Variants in BRCA1 observed in about 807,000 individuals in gnomAD.
BRCA1 encodes the protein breast cancer type 1 susceptibility protein.
BRCA1 carries 140 observed loss-of-function variants against 173.7 expected under a neutral mutation model. That is an observed-to-expected ratio of 0.81 (90% CI 0.70 to 0.93). The LOEUF is 0.93. Ranked by LOEUF, BRCA1 falls within the 40% of genes least tolerant of loss-of-function variation. The pLI, the probability that BRCA1 is intolerant of heterozygous loss-of-function variation, is 0.00. For synonymous variants in BRCA1, 662 were observed against 756.0 expected, an observed-to-expected ratio of 0.88 and a Z score of 2.04; for missense variants, 1,983 against 2,172.5, an observed-to-expected ratio of 0.91 and a Z score of 1.73.
rs80357264 is a variant in BRCA1 at position 43,099,813 on chromosome 17, C to T, written c.509G>A (p.Arg170Gln). 25 of 1,613,504 alleles carry T rather than the reference C, an allele frequency of 1.5e-5. No homozygotes were observed. Among genetic ancestry groups the T allele is most frequent in the Middle Eastern group, 1.6e-4 (1 of 6,082 alleles). Reference protein sequence around the residue: ...GTVRTLRTKQRIQPQKTSVYI... With the variant: ...GTVRTLRTKQQIQPQKTSVYI... ...GACAGACGTCTTTTGAGGTTGTATCCGCTGCTTTGTCCTCAGAGTTCTCAC... is the reference window on the plus strand; with the variant it reads ...GACAGACGTCTTTTGAGGTTGTATCTGCTGCTTTGTCCTCAGAGTTCTCAC... Residue 170 changes from arginine (R) to glutamine (Q), a missense_variant, in exon 7 of 23, where the codon CGG (arginine) becomes CAG (glutamine). Coordinates refer to ENST00000357654, the MANE Select transcript of BRCA1 (RefSeq NM_007294.4).
upstream of BRCA1, among the ~76,000 whole-genome samples, chr17:43,129,434 G>C (rs1426238661): frequency 6.6e-6 from 1 of 152,042 alleles, no homozygotes; most frequent in East Asian, 1.9e-4. Context: ...AAGAGACGAA[G>C]ATTAATTTCC....
At chr17:43,100,674 A>G (rs1309294581) in intron 6 of BRCA1, among the ~76,000 whole-genome samples, 11 of 18,164 alleles carry the variant, frequency 6.1e-4, no homozygotes, top group East Asian at 1.4e-3. Flanking sequence ...ATATATATAT[A>G]TATAATATAT....
chr17:43,144,469 T>A (rs916506085), intron 1 of BRCA1, among the ~76,000 whole-genome samples: 1 of 151,994 alleles, frequency 6.6e-6, no homozygotes, highest in Non-Finnish European at 1.5e-5. Flanking sequence ...AACAACGATA[T>A]TTAATTGTAA....
chr17:43,065,121 C>T (rs547983558), intron 16 of BRCA1, among the ~76,000 whole-genome samples: 8 of 152,290 alleles, frequency 5.3e-5, no homozygotes, highest in Non-Finnish European at 8.8e-5. Context: ...TGAGCCACCA[C>T]GCTTGGCATC....
intron 1 of BRCA1, chr17:43,133,109 A>G (rs915136569): frequency 6.6e-6 from 1 of 152,076 alleles, no homozygotes; most frequent in Non-Finnish European, 1.5e-5. Context: ...CATCCATACA[A>G]TGGAGATAAT....
chr17:43,104,345 T>C, intron 5 of BRCA1, 84 bp from the exon 6 acceptor site: 1 of 1,411,452 alleles, frequency 7.1e-7, no homozygotes, highest in Non-Finnish European at 9.8e-7. Context: ...AGAAACCCTA[T>C]GTATGCTCTT....
chr17:43,110,422 C>G, intron 3 of BRCA1: 1 of 278,538 alleles, frequency 3.6e-6, no homozygotes, highest in Non-Finnish European at 7.5e-6. Context: ...CCCGTCTCTA[C>G]AGAAAACACA....
chr17:43,082,687 A>G (rs2053077652), intron 11 of BRCA1, 112 bp from the exon 12 acceptor site: 1 of 1,159,954 alleles, frequency 8.6e-7, no homozygotes, highest in Middle Eastern at 2.3e-4. Context: ...ATCACCTAGT[A>G]TGGAACTACA....
intron 19 of BRCA1, among the ~76,000 whole-genome samples, chr17:43,053,815 C>A (rs1272479204): frequency 1.3e-5 from 2 of 150,920 alleles, no homozygotes; most frequent in Non-Finnish European, 3.0e-5. Flanking sequence ...ACTAAAAATA[C>A]AAAATCAGCT....
At chr17:43,045,830 T>A (rs1307223280) in intron 22 of BRCA1, 28 bp from the exon 23 acceptor site, 1 of 1,614,036 alleles carries the variant, frequency 6.2e-7, no homozygotes, top group Admixed American at 1.7e-5. Context: ...AAGCAGAGAT[T>A]AGTGTCAATT....
intron 8 of BRCA1, among the ~76,000 whole-genome samples, chr17:43,096,321 G>A (rs555405401): frequency 2.8e-5 from 4 of 142,032 alleles, no homozygotes; most frequent in African/African-American, 1.0e-4. Flanking sequence ...ACGTTGCGGA[G>A]AGGTGAGATC....
At chr17:43,121,455 C>A (rs774200603) in intron 2 of BRCA1, among the ~76,000 whole-genome samples, 1 of 151,972 alleles carries the variant, frequency 6.6e-6, no homozygotes, top group East Asian at 1.9e-4. Context: ...GAGGCCAAGG[C>A]AGGAGGATCA....
intron 1 of BRCA1, among the ~76,000 whole-genome samples, chr17:43,149,889 A>G (rs2056149979): frequency 6.6e-6 from 1 of 151,954 alleles, no homozygotes; most frequent in Admixed American, 6.5e-5. Context: ...CCTGGGTTCA[A>G]GCAATTCTCC....
chr17:43,116,094 T>C (rs1364984716), intron 2 of BRCA1, among the ~76,000 whole-genome samples: 1 of 152,204 alleles, frequency 6.6e-6, no homozygotes, highest in Non-Finnish European at 1.5e-5. Context: ...TCCAGTGATA[T>C]ATTTTTCTGC....
chr17:43,124,899 C>G, intron 1 of BRCA1: 1 of 316,276 alleles, frequency 3.2e-6, no homozygotes, highest in Admixed American at 4.2e-5. Context: ...TGGAGCGGCA[C>G]CACGCCCGGC....
chr17:43,113,656 C>T (rs1448135747), intron 3 of BRCA1, among the ~76,000 whole-genome samples: 1 of 152,080 alleles, frequency 6.6e-6, no homozygotes, highest in South Asian at 2.1e-4. Flanking sequence ...CGTGAGCCAC[C>T]GCGCCCGTCC....
chr17:43,071,341 AGAAAAATGGGTACAT>A, intron 14 of BRCA1, 103 bp from the exon 15 acceptor site: 6 of 1,319,338 alleles, frequency 4.5e-6, no homozygotes, highest in Non-Finnish European at 6.4e-6. Flanking sequence ...TTAGGTTAAG[AGAAAAATGGGTACAT>A]GAATACAGTG....
In BRCA1 at chr17:43,104,138, G is replaced by T. The variant is rs55971303; in HGVS notation, c.425C>A (p.Pro142His). 5.6e-5 allele frequency: 91 copies of T among 1,613,662 alleles called. No homozygotes were observed. Among genetic ancestry groups the T allele is most frequent in the Admixed American group, 2.5e-4 (15 of 59,966 alleles). The change falls in exon 6 of 23, where the codon CCC becomes CAC. Residue 142 changes from proline to histidine, a missense_variant. Coordinates refer to ENST00000357654, the MANE Select transcript of BRCA1 (RefSeq NM_007294.4). ...TGGTTTTACCAAGGAAGGATTTTCG[G>T]GTTCACTCTGTAGAAGTCTTTTGGC... The part of the protein sequence containing the change: ...NRAKRLLQSE[P>H]ENPSLQETSL...
intron 1 of BRCA1, chr17:43,169,879 TC>T (rs899164344): frequency 6.4e-5 from 24 of 372,774 alleles, no homozygotes; most frequent in East Asian, 3.2e-4. Flanking sequence ...CACGTTTTTT[TC>T]CCCCCCTCTA....
Sources: allele counts gnomAD v4.1 joint callset (sites outside exome capture counted in the v4.1 genomes callset), GRCh38; gene constraint gnomAD v4.1.1; transcripts MANE v1.5; gene names NCBI Gene and HGNC (gene_info 2026-07-23, HGNC 2026-07-21).